The following CACNB1 variants were observed in gnomAD, a reference collection of about 807,000 sequenced individuals.
CACNB1 encodes the protein voltage-dependent L-type calcium channel subunit beta-1.
A neutral mutation model predicts 71.6 loss-of-function variants in CACNB1; 29 were observed. That is an observed-to-expected ratio of 0.40 (90% CI 0.30 to 0.55). The LOEUF is 0.55. Among genes scored for constraint, CACNB1 ranks in the 20% least tolerant of loss-of-function variants. The pLI, the probability that CACNB1 is intolerant of heterozygous loss-of-function variation, is 0.38. For missense variants in CACNB1, 623 were observed against 801.8 expected, an observed-to-expected ratio of 0.78 and a Z score of 2.69; for synonymous variants, 300 against 319.6, an observed-to-expected ratio of 0.94 and a Z score of 0.65.
intron 3 of CACNB1, among the ~76,000 whole-genome samples, chr17:39,190,064 C>T (rs1361736862): frequency 1.3e-5 from 2 of 151,670 alleles, no homozygotes; most frequent in Admixed American, 6.6e-5. Flanking sequence ...TGCAGTGAGC[C>T]GAGATCGCAC....
At position 39,194,966 on chromosome 17, in the gene CACNB1, T is replaced by G; in HGVS notation, c.89A>C (p.Lys30Thr). 1.2e-6 allele frequency: 2 copies of G among 1,610,716 alleles called. No individual in the cohort carries two copies. Among genetic ancestry groups the G allele is most frequent in the Non-Finnish European group, 8.5e-7 (1 of 1,177,438 alleles). ...GAATCGCCCTTTCCTCTTGCTGTATTTGCCCTGAAGAGGCCAGGAAAGGAA... is the reference window on the plus strand; with the variant it reads ...GAATCGCCCTTTCCTCTTGCTGTATGTGCCCTGAAGAGGCCAGGAAAGGAA... ...MEVFDPSPQG[K>T]YSKRKGRFKR... The change falls in exon 2 of 14, where the codon AAA becomes ACA. Residue 30 changes from lysine to threonine, a missense_variant. Transcript: ENST00000394303. This position sits in a 1 kb window ranked among gnomAD's most constrained non-coding sequence, Gnocchi z 4.6.
intron 3 of CACNB1, among the ~76,000 whole-genome samples, chr17:39,190,215 A>C: frequency 6.6e-6 from 1 of 151,996 alleles, no homozygotes; most frequent in Non-Finnish European, 1.5e-5. Flanking sequence ...TGCACCCAGG[A>C]GTTCAAGACC....
At chr17:39,191,069 CAGCCAGA>C in intron 3 of CACNB1, among the ~76,000 whole-genome samples, 1 of 151,980 alleles carries the variant, frequency 6.6e-6, no homozygotes, top group South Asian at 2.1e-4. Flanking sequence ...CCGGGCGTGG[CAGCCAGA>C]GCCTATAGTC....
At position 39,194,187 on chromosome 17, in the gene CACNB1, A is replaced by T. The variant is rs549501336; in HGVS notation, c.171+697T>A. On this transcript the variant is annotated intron_variant, in intron 2 of 13. Coordinates refer to ENST00000394303, the MANE Select transcript of CACNB1 (RefSeq NM_000723.5). This position sits in a 1 kb window ranked among gnomAD's most constrained non-coding sequence, Gnocchi z 4.6. The stretch of plus-strand genomic sequence containing the variant: ...GATGCTAAGTAGTCATAGCAACCAC[A>T]TGCCTCTCTCAGTCCCTCACCCTGA... Among the ~76,000 whole-genome samples the T allele has an allele frequency of 3.3e-5, 5 of 152,218 alleles. No homozygotes were observed. In the South Asian group the frequency reaches 8.3e-4, roughly 25 times the overall value.
At chr17:39,179,280 CAAA>C (rs35292368) in intron 11 of CACNB1, among the ~76,000 whole-genome samples, 3,510 of 48,394 alleles carry the variant, frequency 0.073, 60 homozygotes, top group East Asian at 0.12. Flanking sequence ...GACTCCGTCT[CAAA>C]AAAAAAAAAA....
chr17:39,184,106 G>T lies in CACNB1; in HGVS notation c.823C>A (p.Leu275Met). Residue 275 changes from leucine to methionine, a missense_variant, in exon 10 of 14, where the codon CTG becomes ATG. Coordinates refer to ENST00000394303, the MANE Select transcript of CACNB1 (RefSeq NM_000723.5). ...SITRVTADIS[L>M]AKRSVLNNPS... The stretch of plus-strand genomic sequence containing the variant: ...TTGTTGAGAACTGAGCGCTTAGCCA[G>T]GGAAATATCTGCCGTCACACGAGTG... The T allele has an allele frequency of 6.2e-7, 1 of 1,613,566 alleles. No individual in the cohort carries two copies. Among genetic ancestry groups the T allele is most frequent in the Non-Finnish European group, 8.5e-7 (1 of 1,179,576 alleles).
intron 2 of CACNB1, chr17:39,193,369 G>A (rs1368847583): frequency 1.3e-5 from 5 of 391,526 alleles, no homozygotes; most frequent in South Asian, 5.3e-5. Context: ...ATGGAGACAC[G>A]CTGGAGTAAA....
At chr17:39,197,171 G>A (rs1597722228) in intron 1 of CACNB1, among the ~76,000 whole-genome samples, 1 of 152,120 alleles carries the variant, frequency 6.6e-6, no homozygotes, top group African/African-American at 2.4e-5. Flanking sequence ...TTGACGCGGG[G>A]GAGATAAGGA....
At chr17:39,196,315 G>T (rs1366620649) in intron 1 of CACNB1, among the ~76,000 whole-genome samples, 1 of 152,104 alleles carries the variant, frequency 6.6e-6, no homozygotes. Flanking sequence ...GGATCACCCA[G>T]TGAATCCCAG....
intron 2 of CACNB1, chr17:39,192,795 A>C (rs1597716114): frequency 6.6e-6 from 1 of 152,418 alleles, no homozygotes; most frequent in South Asian, 2.1e-4. Context: ...CAGGGGCCTC[A>C]GGTCATTAGC....
chr17:39,187,135 C>A lies in CACNB1; in HGVS notation c.415-206G>T, dbSNP rs1179840906. On this transcript the variant is annotated intron_variant, in intron 4 of 13. Transcript: ENST00000394303. ...GACCAGCATGCTTTCTGGCCATGGACCACCCTGCCACCGGCCCAATGCAAT... is the reference window on the plus strand; with the variant it reads ...GACCAGCATGCTTTCTGGCCATGGAACACCCTGCCACCGGCCCAATGCAAT... The A allele has an allele frequency of 2.8e-5, 17 of 613,680 alleles. No homozygotes were observed. The East Asian group carries it at 4.1e-4, about 15-fold the overall frequency. 38.0% of individuals were successfully genotyped at this position (613,680 alleles called of 1,614,324 possible).
chr17:39,187,491 C>T lies in CACNB1; in HGVS notation c.402G>A (p.Leu134=), dbSNP rs757480351. 2.9e-5 allele frequency: 47 copies of T among 1,614,042 alleles called. No homozygotes were observed. Among genetic ancestry groups the T allele is most frequent in the Non-Finnish European group, 3.9e-5 (46 of 1,179,992 alleles). ...VAITFEPKDF[L]HIKEKYNNDW... is the part of the protein sequence containing the mutation. ...TCCAGATACCCACCTCCTTGATGTG[C>T]AGGAAGTCTTTGGGCTCGAAGGTGA... The change falls in exon 4 of 14, where the codon CTG becomes CTA. Residue 134 remains leucine, a synonymous_variant. Coordinates refer to ENST00000394303, the MANE Select transcript of CACNB1 (RefSeq NM_000723.5).
In CACNB1 at chr17:39,177,374, G is replaced by A. The variant is rs762944262; in HGVS notation, c.1308C>T (p.Ser436=). The part of the protein sequence containing the change: ...RTMATAALAA[S]PAPVSNLQGP... ...CCTGGAGGTTGGAGACAGGGGCAGG[G>A]CTGGCAGCCAGGGCTGCGGTAGCCA... is the stretch of plus-strand genomic sequence containing the variant. The change falls in exon 13 of 14, where the codon AGC becomes AGT. Residue 436 remains serine, a synonymous_variant. Transcript: ENST00000394303. The A allele has an allele frequency of 1.5e-5, 24 of 1,613,344 alleles. No individual in the cohort carries two copies. The East Asian group carries it at 4.7e-4, about 31-fold the overall frequency.
intron 3 of CACNB1, among the ~76,000 whole-genome samples, chr17:39,188,980 T>C (rs1399237356): frequency 6.6e-6 from 1 of 151,578 alleles, no homozygotes; most frequent in African/African-American, 2.4e-5. Context: ...GAGGTGGAGG[T>C]TGCAGTGAGC....
intron 11 of CACNB1, among the ~76,000 whole-genome samples, chr17:39,182,165 GAAAA>G (rs755387191): frequency 4.8e-4 from 47 of 98,204 alleles, no homozygotes; most frequent in African/African-American, 1.7e-3. Flanking sequence ...TTCTCAAAAA[GAAAA>G]AAAAAAAAAG....
At chr17:39,196,854 A>C (rs921376812) in intron 1 of CACNB1, among the ~76,000 whole-genome samples, 8 of 151,576 alleles carry the variant, frequency 5.3e-5, no homozygotes. Context: ...ATAGAGATGG[A>C]GCCCAGGTGG....
rs762801922 is a variant in CACNB1 at position 39,184,753 on chromosome 17, T to C, written c.729+31A>G. ...GGTCTGAAGATCTTTCTAAGGCCCC[T>C]CTGCATCCACTCCCCTCTAGGAAGT... On this transcript the variant is annotated intron_variant, in intron 8 of 13. Transcript: ENST00000394303. The C allele has an allele frequency of 5.5e-6, 8 of 1,452,502 alleles. No individual in the cohort carries two copies. The South Asian group carries it at 9.1e-5, about 17-fold the overall frequency. The allele number at this position is 1,452,502 out of a possible 1,614,324, so 90.0% of individuals were successfully genotyped here. A position where few individuals can be genotyped will look rare whatever the true frequency, so the allele number is the denominator to read the frequency against.
intron 2 of CACNB1, chr17:39,192,076 C>G (rs2046094732): frequency 1.2e-5 from 2 of 168,746 alleles, no homozygotes; most frequent in Admixed American, 1.3e-4. Context: ...GATGGGGCCA[C>G]CACAGATTTT....
rs2045552408 is a variant in CACNB1 at position 39,175,410 on chromosome 17, G to A, written c.1580C>T (p.Ser527Leu). 6.2e-7 allele frequency: 1 copy of A among 1,614,102 alleles called. No individual in the cohort carries two copies. Among genetic ancestry groups the A allele is most frequent in the Non-Finnish European group, 8.5e-7 (1 of 1,180,060 alleles). The change falls in exon 14 of 14, where the codon TCA (serine) becomes TTA (leucine). Residue 527 changes from serine (S) to leucine (L), a missense_variant. Ser to Leu is a moderately radical substitution (Grantham distance 145). Transcript: ENST00000394303. The surrounding 1 kb of genome is among the most constrained non-coding windows in gnomAD (Gnocchi z 4.7). ...DSCVDMETDPSEGPGLGDPAG... is the reference protein window; with the variant it reads ...DSCVDMETDPLEGPGLGDPAG... ...AGGGTCTCCAAGCCCTGGCCCCTCT[G>A]AGGGGTCAGTCTCCATGTCCACACA...
Sources: gnomAD v4.1 joint callset for allele counts (sites outside exome capture counted in the v4.1 genomes callset) on GRCh38, gnomAD v4.1.1 for gene constraint, Gnocchi (gnomAD v3.1) non-coding constraint, MANE v1.5 for transcripts, NCBI Gene and HGNC (gene_info 2026-07-23, HGNC 2026-07-21) for gene names.